The following KALRN variants were observed in gnomAD, a reference collection of about 807,000 sequenced individuals.
The protein encoded by KALRN is kalirin RhoGEF kinase.
Under a neutral mutation model 353.7 loss-of-function variants are expected in KALRN, and 70 were observed. The ratio of observed to expected loss-of-function variants is 0.20; its 90% CI spans 0.16 to 0.24. The LOEUF (loss-of-function observed/expected upper bound fraction) is 0.24, where lower values mean the gene tolerates loss of function less well. Among genes scored for constraint, KALRN ranks in the 10% least tolerant of loss-of-function variants. KALRN has a pLI of 1.00. For missense variants in KALRN, 2,791 were observed against 3,756.7 expected, an observed-to-expected ratio of 0.74 and a Z score of 6.72; for synonymous variants, 1,391 against 1,434.8, an observed-to-expected ratio of 0.97 and a Z score of 0.69.
At chr3:124,678,154 C>T in intron 49 of KALRN, 36 bp from the exon 50 acceptor site, 2 of 1,609,312 alleles carry the variant, frequency 1.2e-6, no homozygotes, top group Non-Finnish European at 1.7e-6. Flanking sequence ...TGTCCCTGAC[C>T]TGCCATTTTG....
intron 34 of KALRN, among the ~76,000 whole-genome samples, chr3:124,623,428 A>ACACACACAC (rs1554055226): frequency 8.1e-6 from 1 of 122,718 alleles, no homozygotes; most frequent in African/African-American, 2.9e-5. Flanking sequence ...ACACACACAC[A>ACACACACAC]AAAGGGAGTT....
chr3:124,351,780 CT>C (rs1220521678), intron 10 of KALRN, among the ~76,000 whole-genome samples: 1 of 152,170 alleles, frequency 6.6e-6, no homozygotes, highest in Non-Finnish European at 1.5e-5. Context: ...TAAACTTTAA[CT>C]TTTGTGTTTA....
chr3:124,345,913 C>T (rs915716788), intron 9 of KALRN, among the ~76,000 whole-genome samples: 2 of 152,174 alleles, frequency 1.3e-5, no homozygotes, highest in Non-Finnish European at 2.9e-5. Context: ...CTGTTTGCTG[C>T]AGGGCAATCC....
At chr3:124,338,061 A>G (rs1198276884) in intron 9 of KALRN, among the ~76,000 whole-genome samples, 2 of 151,574 alleles carry the variant, frequency 1.3e-5, no homozygotes, top group Admixed American at 6.6e-5. Flanking sequence ...TGATCTATCT[A>G]TTTTGTTAAT....
chr3:124,174,997 G>T (rs9816672), intron 1 of KALRN, among the ~76,000 whole-genome samples: 82,253 of 152,062 alleles, frequency 0.54, 24,906 homozygotes, highest in Non-Finnish European at 0.68. Context: ...CCTTCCAAAG[G>T]GGCAGCTGGC....
intron 13 of KALRN, 25 bp downstream of exon 13, chr3:124,398,896 T>C: frequency 6.3e-7 from 1 of 1,577,508 alleles, no homozygotes; most frequent in Non-Finnish European, 8.6e-7. Context: ...GGAGGGGAGG[T>C]GGAGAGGGGC....
chr3:124,246,481 A>AG (rs2148703143), intron 3 of KALRN, among the ~76,000 whole-genome samples: 1 of 151,964 alleles, frequency 6.6e-6, no homozygotes, highest in East Asian at 1.9e-4. Flanking sequence ...GCCCTTGGTG[A>AG]TTCTTTAGTT....
chr3:124,248,464 C>T (rs568170363), intron 3 of KALRN, among the ~76,000 whole-genome samples: 5 of 152,072 alleles, frequency 3.3e-5, no homozygotes, highest in Non-Finnish European at 5.9e-5. Context: ...GATGTACCTG[C>T]GAGGGAACTA....
intron 3 of KALRN, among the ~76,000 whole-genome samples, chr3:124,242,429 G>A (rs2148661608): frequency 6.6e-6 from 1 of 152,344 alleles, no homozygotes. Context: ...TAGCACCAGA[G>A]CCTAAGCTTT....
At chr3:124,200,943 C>G (rs1275399921) in intron 1 of KALRN, among the ~76,000 whole-genome samples, 2 of 152,312 alleles carry the variant, frequency 1.3e-5, no homozygotes, top group Middle Eastern at 3.4e-3. Flanking sequence ...GAGTGAAATA[C>G]TTAACTTCCC....
Position 124,660,909 on chromosome 3 carries a change from C to T in KALRN, c.6217-14C>T, listed in dbSNP as rs376565735. Reference sequence around the variant, plus strand: ...CCCCTTCCCACACTCTTGCCTGCTTCCCCTACTTGTTAGGACTTCCTGAGA... The same window carrying T: ...CCCCTTCCCACACTCTTGCCTGCTTTCCCTACTTGTTAGGACTTCCTGAGA... On this transcript the variant is annotated splice_polypyrimidine_tract_variant and intron_variant, in intron 43 of 59. Transcript: ENST00000682506. 1 of 1,600,052 alleles carries T rather than the reference C, an allele frequency of 6.2e-7. No homozygotes were observed. Among genetic ancestry groups the T allele is most frequent in the Non-Finnish European group, 8.6e-7 (1 of 1,167,680 alleles).
intron 6 of KALRN, among the ~76,000 whole-genome samples, chr3:124,320,056 T>C (rs2079173359): frequency 6.6e-6 from 1 of 152,180 alleles, no homozygotes; most frequent in Non-Finnish European, 1.5e-5. Flanking sequence ...GCTTCCCTCG[T>C]ATGTATAACG....
At chr3:124,233,665 A>T (rs2079431729) in intron 2 of KALRN, among the ~76,000 whole-genome samples, 1 of 152,156 alleles carries the variant, frequency 6.6e-6, no homozygotes, top group Admixed American at 6.5e-5. Context: ...ACCAGAAGGA[A>T]ACCTTATTCA....
intron 21 of KALRN, among the ~76,000 whole-genome samples, chr3:124,451,398 G>A (rs547546894): frequency 6.6e-5 from 10 of 152,074 alleles, no homozygotes; most frequent in Non-Finnish European, 1.5e-4. Flanking sequence ...ATAAATTAGG[G>A]GACACATGAA....
intron 1 of KALRN, among the ~76,000 whole-genome samples, chr3:124,123,360 C>A (rs1200211518): frequency 5.3e-5 from 8 of 152,140 alleles, no homozygotes; most frequent in African/African-American, 7.2e-5. Context: ...AAAGTTCTAG[C>A]GATCTGGATA....
chr3:124,046,122 A>G (rs939233975), intron 1 of KALRN, among the ~76,000 whole-genome samples: 18 of 152,342 alleles, frequency 1.2e-4, no homozygotes, highest in African/African-American at 3.8e-4. Context: ...TATTATTCTT[A>G]ATTCAAAAAT....
chr3:124,169,737 G>A (rs148500382), intron 1 of KALRN, among the ~76,000 whole-genome samples: 2 of 152,262 alleles, frequency 1.3e-5, no homozygotes, highest in African/African-American at 4.8e-5. Flanking sequence ...AGAGACACAG[G>A]GAAGGAGTTA....
intron 57 of KALRN, among the ~76,000 whole-genome samples, chr3:124,711,308 C>T (rs945076939): frequency 2.6e-5 from 4 of 152,100 alleles, no homozygotes; most frequent in Non-Finnish European, 5.9e-5. Context: ...AAGCATGAGC[C>T]ATTGCACCTG....
chr3:124,575,144 G>A (rs775015169), intron 34 of KALRN, among the ~76,000 whole-genome samples: 4 of 152,184 alleles, frequency 2.6e-5, no homozygotes, highest in Non-Finnish European at 5.9e-5. Flanking sequence ...CCCTTTCTTT[G>A]CCCTTGTGGT....
Sources: allele counts gnomAD v4.1 joint callset (sites outside exome capture counted in the v4.1 genomes callset), GRCh38; gene constraint gnomAD v4.1.1; transcripts MANE v1.5; gene names NCBI Gene and HGNC (gene_info 2026-07-23, HGNC 2026-07-21).